GLDN: variants seen among roughly 807,000 people sequenced by gnomAD.
GLDN encodes the protein collomin.
Under a neutral mutation model 56.5 loss-of-function variants are expected in GLDN, and 47 were observed. The observed-to-expected ratio is 0.83, with a 90% CI of 0.66 to 1.06. The LOEUF is 1.06. Ranked by LOEUF, GLDN falls within the 50% of genes least tolerant of loss-of-function variation. GLDN has a pLI of 0.00. For missense variants in GLDN, 782 were observed against 714.3 expected (o/e 1.09, Z -1.08); for synonymous variants, 332 against 278.8 (o/e 1.19, Z -1.90).
chr15:51,399,005 C>T (rs180733973), intron 6 of GLDN, among the ~76,000 whole-genome samples: 99 of 152,336 alleles, frequency 6.5e-4, no homozygotes, highest in African/African-American at 2.2e-3. Context: ...AAGGCATTAT[C>T]TTCCATTCTG....
intron 2 of GLDN, among the ~76,000 whole-genome samples, chr15:51,379,109 G>C (rs1298090413): frequency 6.6e-6 from 1 of 152,238 alleles, no homozygotes; most frequent in African/African-American, 2.4e-5. Flanking sequence ...ACGGCAGTCA[G>C]GACAGATGCT....
chr15:51,374,903 A>G (rs1714590763), intron 1 of GLDN, among the ~76,000 whole-genome samples: 2 of 151,950 alleles, frequency 1.3e-5, no homozygotes, highest in Non-Finnish European at 2.9e-5. Flanking sequence ...ATATCCAGCT[A>G]ATTTTTAATT....
At chr15:51,409,558 G>A (rs1270682409), downstream of GLDN, among the ~76,000 whole-genome samples, 1 of 152,158 alleles carries the variant, frequency 6.6e-6, no homozygotes, top group Admixed American at 6.5e-5. Context: ...ATAAAGAAGT[G>A]GTTTAAACTA....
At chr15:51,383,355 TAGG>T (rs2037808665) in intron 2 of GLDN, 78 bp from the exon 3 acceptor site, 3 of 1,417,160 alleles carry the variant, frequency 2.1e-6, no homozygotes, top group African/African-American at 2.9e-5. Flanking sequence ...AGTAGATAAT[TAGG>T]AGATTTGAAG....
chr15:51,411,705 T>C (rs1190990497), downstream of GLDN, among the ~76,000 whole-genome samples: 2 of 152,226 alleles, frequency 1.3e-5, no homozygotes, highest in East Asian at 3.8e-4. Flanking sequence ...CAAAATTCTG[T>C]TTATTTGACT....
chr15:51,352,654 T>C (rs2037097162), intron 1 of GLDN, among the ~76,000 whole-genome samples: 1 of 152,176 alleles, frequency 6.6e-6, no homozygotes, highest in Non-Finnish European at 1.5e-5. Context: ...TTCCCCTTGA[T>C]ATGGCAACAG....
intron 1 of GLDN, among the ~76,000 whole-genome samples, chr15:51,359,935 C>T (rs1226961842): frequency 2.7e-5 from 4 of 146,878 alleles, no homozygotes; most frequent in Non-Finnish European, 3.0e-5. Flanking sequence ...GCCTAGATTG[C>T]GCCACTGCAC....
intron 1 of GLDN, among the ~76,000 whole-genome samples, chr15:51,349,868 T>A (rs768004828): frequency 1.3e-5 from 2 of 151,830 alleles, no homozygotes; most frequent in Non-Finnish European, 2.9e-5. Flanking sequence ...GCCTCCCGAG[T>A]AGCTGGGATT....
At chr15:51,395,674 C>A (rs958753761) in intron 5 of GLDN, among the ~76,000 whole-genome samples, 3 of 152,168 alleles carry the variant, frequency 2.0e-5, no homozygotes, top group Non-Finnish European at 1.5e-5. Flanking sequence ...AAACAGCATG[C>A]AATTTACCTG....
chr15:51,391,744 G>T (rs1738008948), intron 4 of GLDN, among the ~76,000 whole-genome samples: 1 of 152,192 alleles, frequency 6.6e-6, no homozygotes. Context: ...AAAGAGGCAT[G>T]ATTTGACCCC....
chr15:51,401,851 C>A, intron 9 of GLDN, 108 bp downstream of exon 9: 2 of 957,966 alleles, frequency 2.1e-6, no homozygotes, highest in Non-Finnish European at 3.1e-6. Context: ...CTTTGTGTCC[C>A]TAGGGCTGAC....
At chr15:51,377,697 T>G (rs1430786067) in intron 2 of GLDN, among the ~76,000 whole-genome samples, 197 bp downstream of exon 2, 1 of 152,228 alleles carries the variant, frequency 6.6e-6, no homozygotes, top group Non-Finnish European at 1.5e-5. Flanking sequence ...CATAGAAATA[T>G]AGCCATGGAA....
chr15:51,344,082 C>T (rs974514235), intron 1 of GLDN, among the ~76,000 whole-genome samples: 9 of 152,162 alleles, frequency 5.9e-5, no homozygotes, highest in Admixed American at 5.2e-4. Flanking sequence ...TAAGATTCTG[C>T]GTTTCTACCA....
intron 4 of GLDN, among the ~76,000 whole-genome samples, chr15:51,391,360 A>C (rs1284705268): frequency 6.6e-6 from 1 of 152,210 alleles, no homozygotes; most frequent in Non-Finnish European, 1.5e-5. Flanking sequence ...ATGATGCAGA[A>C]GGCTGTTTGT....
rs143383924 is a variant in GLDN, at chr15:51,397,566, G to A, written c.785G>A (p.Arg262Gln). 3,227 of 1,601,498 alleles carry A rather than the reference G, an allele frequency of 2.0e-3. 6 individuals are homozygous for A. The highest frequency in any genetic ancestry group is 2.4e-3 in the Non-Finnish European group (2,758 of 1,173,168). Residue 262 changes from arginine to glutamine, a missense_variant, in exon 6 of 10, where the codon CGG (arginine) becomes CAG (glutamine). Arg to Gln is a conservative substitution (Grantham distance 43). Coordinates refer to ENST00000335449, the MANE Select transcript of GLDN (RefSeq NM_181789.4). The part of the protein sequence containing the change: ...PPGSRRAKGP[R>Q]QPSMFNGQCP... ...GGAAGCAGAAGAGCCAAAGGCCCTCGGCAGCCAAGCATGTTCAACGGCCAG... is the reference window on the plus strand; with the variant it reads ...GGAAGCAGAAGAGCCAAAGGCCCTCAGCAGCCAAGCATGTTCAACGGCCAG...
chr15:51,408,902 G>A (rs1304858187), downstream of GLDN, among the ~76,000 whole-genome samples: 4 of 151,858 alleles, frequency 2.6e-5, no homozygotes, highest in Non-Finnish European at 4.4e-5. Flanking sequence ...TGGTGTATAT[G>A]TGCCACATTT....
chr15:51,363,991 G>A (rs1884495192), intron 1 of GLDN, among the ~76,000 whole-genome samples: 1 of 152,170 alleles, frequency 6.6e-6, no homozygotes, highest in African/African-American at 2.4e-5. Flanking sequence ...TCTGTGGAAT[G>A]TGCCATTTTT....
At chr15:51,356,742 C>T (rs1273664976) in intron 1 of GLDN, among the ~76,000 whole-genome samples, 1 of 152,142 alleles carries the variant, frequency 6.6e-6, no homozygotes, top group African/African-American at 2.4e-5. Context: ...CAGTATCTAA[C>T]CTACAAGTTA....
intron 1 of GLDN, among the ~76,000 whole-genome samples, chr15:51,353,058 T>G (rs569941777): frequency 3.2e-4 from 49 of 152,272 alleles, no homozygotes; most frequent in African/African-American, 1.2e-3. Flanking sequence ...AACATAAGAT[T>G]GGTATTCAAG....
Sources: gnomAD v4.1 joint callset for allele counts (sites outside exome capture counted in the v4.1 genomes callset) on GRCh38, gnomAD v4.1.1 for gene constraint, MANE v1.5 for transcripts, NCBI Gene and HGNC (gene_info 2026-07-23, HGNC 2026-07-21) for gene names.